Variants in HNF1B observed in about 807,000 individuals in gnomAD.
HNF1B encodes the protein hepatocyte nuclear factor 1-beta.
Under a neutral mutation model 61.7 loss-of-function variants are expected in HNF1B, and 8 were observed. That is an observed-to-expected ratio of 0.13 (90% CI 0.08 to 0.23). HNF1B has a LOEUF of 0.23. Among genes scored for constraint, HNF1B ranks in the 10% least tolerant of loss-of-function variants. The probability of loss-of-function intolerance (pLI) is 1.00; values close to 1 mark genes in which losing one functional copy is unlikely to be tolerated. For missense variants in HNF1B, 562 were observed against 714.5 expected (o/e 0.79, Z 2.43); for synonymous variants, 314 against 287.7 (o/e 1.09, Z -0.93).
At chr17:37,690,916 C>T (rs2032180046) in intron 8 of HNF1B, among the ~76,000 whole-genome samples, 1 of 152,126 alleles carries the variant, frequency 6.6e-6, no homozygotes, top group Admixed American at 6.5e-5. Flanking sequence ...GTACACTTGA[C>T]CTAAAGCCAT....
Position 37,731,758 on chromosome 17 carries a change from G to A in HNF1B, c.882C>T (p.Val294=), listed in dbSNP as rs781668277. 5 of 1,614,038 alleles carry A rather than the reference G, an allele frequency of 3.1e-6. No homozygotes were observed. In the South Asian group the frequency reaches 5.5e-5, roughly 18 times the overall value. The change falls in exon 4 of 9, where the codon GTC becomes GTT. Residue 294 remains valine, a synonymous_variant. Transcript: ENST00000617811. ...HGLGSNLVTE[V]RVYNWFANRR... is the part of the protein sequence containing the mutation. ...GGTTTGCAAACCAGTTGTAGACACG[G>A]ACCTCAGTGACCAAGTTGGAGCCCA...
intron 2 of HNF1B, among the ~76,000 whole-genome samples, chr17:37,735,442 T>A (rs947347300): frequency 2.0e-5 from 3 of 152,210 alleles, no homozygotes; most frequent in Non-Finnish European, 2.9e-5. Flanking sequence ...GGGCTTTGTT[T>A]AACTGTGGAC....
chr17:37,731,890 T>C, intron 3 of HNF1B, 60 bp from the exon 4 acceptor site: 1 of 1,158,766 alleles, frequency 8.6e-7, no homozygotes. Context: ...TGTTGGTGCT[T>C]GGCCAAAAAC....
chr17:37,741,540 A>ATCCT (rs1265704808), intron 1 of HNF1B, among the ~76,000 whole-genome samples: 4 of 152,258 alleles, frequency 2.6e-5, no homozygotes, highest in Non-Finnish European at 4.4e-5. Context: ...TTTTAGACAT[A>ATCCT]TCCTTGTAAA....
intron 7 of HNF1B, among the ~76,000 whole-genome samples, chr17:37,700,411 G>C (rs1176804988): frequency 6.6e-6 from 1 of 152,208 alleles, no homozygotes; most frequent in African/African-American, 2.4e-5. Context: ...TGGCATGGAG[G>C]AAGAAACTCT....
At chr17:37,739,105 T>C (rs996212430) in intron 2 of HNF1B, among the ~76,000 whole-genome samples, 2 of 152,316 alleles carry the variant, frequency 1.3e-5, no homozygotes, top group Non-Finnish European at 2.9e-5. Context: ...GGGGAGATGC[T>C]GGGTTTTCTC....
intron 5 of HNF1B, among the ~76,000 whole-genome samples, 164 bp downstream of exon 5, chr17:37,710,339 G>C (rs143020036): frequency 2.4e-4 from 37 of 152,342 alleles, no homozygotes; most frequent in Non-Finnish European, 4.4e-4. Flanking sequence ...CCCGCCAAAG[G>C]CTGGGTCACC....
intron 4 of HNF1B, among the ~76,000 whole-genome samples, chr17:37,723,587 G>A (rs2033395523): frequency 6.6e-6 from 1 of 152,180 alleles, no homozygotes; most frequent in African/African-American, 2.4e-5. Flanking sequence ...CCTAGGAAGA[G>A]CAGGAGATTG....
intron 8 of HNF1B, among the ~76,000 whole-genome samples, chr17:37,694,498 T>G (rs2032322160): frequency 7.4e-6 from 1 of 134,858 alleles, no homozygotes; most frequent in Non-Finnish European, 1.5e-5. Flanking sequence ...GCTTTGGCAA[T>G]GGGTAACAGG....
At chr17:37,715,220 A>C (rs1422213377) in intron 4 of HNF1B, among the ~76,000 whole-genome samples, 1 of 151,944 alleles carries the variant, frequency 6.6e-6, no homozygotes, top group African/African-American at 2.4e-5. Context: ...TGATATGTTT[A>C]CTTTTCTCTG....
At chr17:37,719,288 AAG>A (rs1267150021) in intron 4 of HNF1B, among the ~76,000 whole-genome samples, 2 of 152,140 alleles carry the variant, frequency 1.3e-5, no homozygotes, top group South Asian at 2.1e-4. Flanking sequence ...AAAGAGGAGT[AAG>A]AGAAGAGGAG....
chr17:37,715,330 A>G (rs1198775086), intron 4 of HNF1B, among the ~76,000 whole-genome samples: 1 of 152,200 alleles, frequency 6.6e-6, no homozygotes, highest in East Asian at 1.9e-4. Flanking sequence ...ATGAAACCCC[A>G]GCAGCTTTGA....
chr17:37,730,663 G>A (rs1029848518), intron 4 of HNF1B: 5 of 152,284 alleles, frequency 3.3e-5, no homozygotes, highest in Non-Finnish European at 7.3e-5. Flanking sequence ...GGAGCCAACA[G>A]GTTTCAGAAT....
Position 37,687,297 on chromosome 17 carries a change from G to T in HNF1B, c.*75C>A. 1 of 1,613,780 alleles carries T rather than the reference G, an allele frequency of 6.2e-7. No homozygotes were observed. Among genetic ancestry groups the T allele is most frequent in the East Asian group, 2.2e-5 (1 of 44,878 alleles). ...TGGTCAGGTCACTGGGCTTTTCCAT[G>T]ACAGCTGCCCAGAGGGTGATGGTGT... is the stretch of plus-strand genomic sequence containing the variant. On this transcript the variant is annotated 3_prime_UTR_variant, in exon 9 of 9. Coordinates refer to ENST00000617811, the MANE Select transcript of HNF1B (RefSeq NM_000458.4).
intron 8 of HNF1B, among the ~76,000 whole-genome samples, chr17:37,696,620 A>G (rs1679108213): frequency 6.6e-6 from 1 of 152,188 alleles, no homozygotes; most frequent in South Asian, 2.1e-4. Context: ...AGCCTGCAGA[A>G]CCATGAGCCT....
chr17:37,744,902 A>ATGT lies in HNF1B; in HGVS notation c.-19_-18insACA. 5 of 652,532 alleles carry ATGT rather than the reference A, an allele frequency of 7.7e-6. No individual in the cohort carries two copies. The highest frequency in any genetic ancestry group is 1.4e-5 in the Non-Finnish European group (5 of 369,782). 40.4% of individuals were successfully genotyped at this position (652,532 alleles called of 1,614,324 possible). A position where few individuals can be genotyped will look rare whatever the true frequency, so the allele number is the denominator to read the frequency against. On this transcript the variant is annotated 5_prime_UTR_variant, in exon 1 of 9. Transcript: ENST00000617811. ...GACACCATTTTCCAAGGACGGAAAA[A>ATGT]GAAGGGGGTGAGGGGGTGGGTGGGT...
intron 8 of HNF1B, among the ~76,000 whole-genome samples, chr17:37,697,486 G>A (rs1157035497): frequency 2.6e-5 from 4 of 152,154 alleles, no homozygotes; most frequent in Admixed American, 6.5e-5. Context: ...ACCATTTCCT[G>A]AATTCAGACG....
At chr17:37,706,750 A>G (rs1375667023) in intron 5 of HNF1B, among the ~76,000 whole-genome samples, 2 of 152,084 alleles carry the variant, frequency 1.3e-5, no homozygotes, top group Admixed American at 6.6e-5. Context: ...CTTTGGAGAA[A>G]GTCAACCAAG....
rs1471879582 is a variant in HNF1B at position 37,701,075 on chromosome 17, G to C, written c.1442C>G (p.Pro481Arg). Residue 481 changes from proline (P) to arginine (R), a missense_variant, in exon 7 of 9, where the codon CCT (proline) becomes CGT (arginine). By Grantham distance (103) the Pro-to-Arg change is moderately radical. Around this residue, in one of 6 missense-constraint regions of HNF1B, gnomAD observed 211 missense variants for 200.7 expected, o/e 1.05. Transcript: ENST00000617811. ...CTGCTGCATGAGGGGCTGCTGGTGAGGGCTGTGCAGCTGCTGGGAGAACTG... is the reference window on the plus strand; with the variant it reads ...CTGCTGCATGAGGGGCTGCTGGTGACGGCTGTGCAGCTGCTGGGAGAACTG... ...PVQFSQQLHSPHQQPLMQQSP... is the reference protein window; with the variant it reads ...PVQFSQQLHSRHQQPLMQQSP... 6.4e-7 allele frequency: 1 copy of C among 1,554,190 alleles called. No homozygotes were observed. The highest frequency in any genetic ancestry group is 1.2e-5 in the South Asian group (1 of 84,296).
Sources: gnomAD v4.1 joint callset for allele counts (sites outside exome capture counted in the v4.1 genomes callset) on GRCh38, gnomAD v4.1.1 for gene constraint, gnomAD v4.1.1 regional missense constraint, MANE v1.5 for transcripts, NCBI Gene and HGNC (gene_info 2026-07-23, HGNC 2026-07-21) for gene names.